Variants in ADGRL3 observed in about 807,000 individuals in gnomAD.
ADGRL3 encodes calcium-independent alpha-latrotoxin receptor 3.
A neutral mutation model predicts 153.5 loss-of-function variants in ADGRL3; 62 were observed. The observed-to-expected ratio is 0.40, with a 90% CI of 0.33 to 0.50. The LOEUF is 0.50. Among genes scored for constraint, ADGRL3 ranks in the 20% least tolerant of loss-of-function variants. The probability of loss-of-function intolerance (pLI) is 0.47; values close to 1 mark genes in which losing one functional copy is unlikely to be tolerated. For synonymous variants in ADGRL3, 710 were observed against 672.5 expected, an observed-to-expected ratio of 1.06 and a Z score of -0.86; for missense variants, 1,641 against 1,859.4, an observed-to-expected ratio of 0.88 and a Z score of 2.16.
intron 6 of ADGRL3, among the ~76,000 whole-genome samples, chr4:61,698,187 C>T (rs2095676984): frequency 6.6e-6 from 1 of 152,146 alleles, no homozygotes; most frequent in Non-Finnish European, 1.5e-5. Context: ...CGTGGTGGCT[C>T]ATGCCTGTAA....
At chr4:61,991,937 TATATATAATATAC>T (rs2099105240) in intron 19 of ADGRL3, among the ~76,000 whole-genome samples, 1 of 148,348 alleles carries the variant, frequency 6.7e-6, no homozygotes, top group African/African-American at 2.4e-5. Context: ...TATTACATGA[TATATATAATATAC>T]ATATATAATA....
chr4:61,455,700 T>A (rs1291562922), intron 2 of ADGRL3, among the ~76,000 whole-genome samples: 1 of 152,042 alleles, frequency 6.6e-6, no homozygotes, highest in Non-Finnish European at 1.5e-5. Flanking sequence ...TATTTATAGA[T>A]GTAATAAATA....
chr4:61,808,652 CA>C (rs1033361334), intron 8 of ADGRL3, among the ~76,000 whole-genome samples: 1 of 151,634 alleles, frequency 6.6e-6, no homozygotes, highest in South Asian at 2.1e-4. Flanking sequence ...GACCTGAAGA[CA>C]AAAAAAATCA....
intron 8 of ADGRL3, among the ~76,000 whole-genome samples, chr4:61,752,829 G>A (rs776754330): frequency 2.6e-5 from 4 of 152,110 alleles, no homozygotes; most frequent in African/African-American, 4.8e-5. Flanking sequence ...AGCTACTCAG[G>A]AGACTGAGGT....
At chr4:61,391,698 T>C (rs2096804454) in intron 2 of ADGRL3, among the ~76,000 whole-genome samples, 1 of 152,046 alleles carries the variant, frequency 6.6e-6, no homozygotes, top group Admixed American at 6.6e-5. Flanking sequence ...TTTCTATTTA[T>C]GGTGCCATTT....
At chr4:61,531,054 G>C (rs1182849517) in intron 4 of ADGRL3, among the ~76,000 whole-genome samples, 4 of 152,034 alleles carry the variant, frequency 2.6e-5, no homozygotes, top group Non-Finnish European at 2.9e-5. Context: ...TAATTGTAAT[G>C]CAAATGGAAA....
intron 4 of ADGRL3, among the ~76,000 whole-genome samples, chr4:61,586,189 G>T (rs1244479954): frequency 6.6e-6 from 1 of 151,930 alleles, no homozygotes; most frequent in Non-Finnish European, 1.5e-5. Context: ...TGCCACATTT[G>T]AAATGTATTG....
At chr4:61,612,982 C>T (rs899729497) in intron 5 of ADGRL3, among the ~76,000 whole-genome samples, 3 of 151,996 alleles carry the variant, frequency 2.0e-5, no homozygotes, top group Non-Finnish European at 1.5e-5. Context: ...CATTTATTTG[C>T]TTCTTTTTTT....
At chr4:61,862,092 T>C (rs1227199619) in intron 9 of ADGRL3, among the ~76,000 whole-genome samples, 1 of 152,188 alleles carries the variant, frequency 6.6e-6, no homozygotes, top group Non-Finnish European at 1.5e-5. Context: ...GACAAGATTG[T>C]AGAAGAAAGG....
chr4:61,781,337 A>C (rs2097211296), intron 8 of ADGRL3, among the ~76,000 whole-genome samples: 1 of 151,608 alleles, frequency 6.6e-6, no homozygotes, highest in Admixed American at 6.6e-5. Context: ...CCTCCAAAAA[A>C]AAAAAAAAAA....
intron 8 of ADGRL3, among the ~76,000 whole-genome samples, chr4:61,746,771 G>T (rs1305910211): frequency 6.6e-6 from 1 of 152,058 alleles, no homozygotes; most frequent in Non-Finnish European, 1.5e-5. Context: ...ATCCAAAATT[G>T]ACACCCTAAC....
chr4:61,754,682 A>G (rs900533776), intron 8 of ADGRL3, among the ~76,000 whole-genome samples: 1 of 152,058 alleles, frequency 6.6e-6, no homozygotes, highest in African/African-American at 2.4e-5. Flanking sequence ...GGTTAGTTAC[A>G]TATGTATACA....
chr4:61,882,380 A>G (rs1402012731), intron 9 of ADGRL3, among the ~76,000 whole-genome samples: 1 of 152,090 alleles, frequency 6.6e-6, no homozygotes, highest in Non-Finnish European at 1.5e-5. Flanking sequence ...GTATATATCC[A>G]TATCATTCTA....
chr4:61,265,427 T>G (rs1158743482), intron 1 of ADGRL3, among the ~76,000 whole-genome samples: 1 of 151,860 alleles, frequency 6.6e-6, no homozygotes, highest in East Asian at 1.9e-4. Flanking sequence ...CACCCCTTGA[T>G]AGCAACAGTT....
intron 9 of ADGRL3, among the ~76,000 whole-genome samples, chr4:61,818,661 G>C (rs1170732411): frequency 6.6e-6 from 1 of 152,134 alleles, no homozygotes; most frequent in African/African-American, 2.4e-5. Flanking sequence ...ATCAACCAAA[G>C]TCCAACAGTC....
chr4:61,387,610 T>C (rs1204466869), intron 2 of ADGRL3, among the ~76,000 whole-genome samples: 1 of 152,104 alleles, frequency 6.6e-6, no homozygotes, highest in Non-Finnish European at 1.5e-5. Flanking sequence ...CATTTGCTTT[T>C]GAAAGAGAAA....
chr4:61,919,326 T>C, intron 13 of ADGRL3, among the ~76,000 whole-genome samples: 1 of 152,224 alleles, frequency 6.6e-6, no homozygotes, highest in East Asian at 1.9e-4. Context: ...CAGCAGGTTC[T>C]TGTGGTTTGG....
In ADGRL3 at chr4:61,587,217, C is replaced by T; in HGVS notation, c.260-10C>T. On this transcript the variant is annotated splice_polypyrimidine_tract_variant and intron_variant, in intron 4 of 26. Coordinates refer to ENST00000683033, the MANE Select transcript of ADGRL3 (RefSeq NM_001387552.1). ...GATGGCATCTCTTTTCTTCCTCTTC[C>T]TTTTGGCAGCTTTCAGCCGTGCCCC... 1 of 1,587,034 alleles carries T rather than the reference C, an allele frequency of 6.3e-7. No homozygotes were observed. Among genetic ancestry groups the T allele is most frequent in the South Asian group, 1.1e-5 (1 of 87,542 alleles).
intron 2 of ADGRL3, among the ~76,000 whole-genome samples, chr4:61,439,122 A>G (rs2152457696): frequency 6.6e-6 from 1 of 152,286 alleles, no homozygotes; most frequent in African/African-American, 2.4e-5. Context: ...TCATGAAAAC[A>G]TCATCATGTT....
Sources: allele counts gnomAD v4.1 joint callset (sites outside exome capture counted in the v4.1 genomes callset), GRCh38; gene constraint gnomAD v4.1.1; transcripts MANE v1.5; gene names NCBI Gene and HGNC (gene_info 2026-07-23, HGNC 2026-07-21).